The following ARHGAP26 variants were observed in gnomAD, a reference collection of about 807,000 sequenced individuals.
The protein encoded by ARHGAP26 is Rho GTPase activating protein 26.
A neutral mutation model predicts 104.8 loss-of-function variants in ARHGAP26; 38 were observed. The ratio of observed to expected loss-of-function variants is 0.36; its 90% confidence interval spans 0.28 to 0.48. ARHGAP26 has a LOEUF of 0.48. Among genes scored for constraint, ARHGAP26 ranks in the 20% least tolerant of loss-of-function variants. ARHGAP26 has a pLI of 0.99. For missense variants in ARHGAP26, 704 were observed against 947.9 expected, an observed-to-expected ratio of 0.74 and a Z score of 3.38; for synonymous variants, 341 against 340.0, an observed-to-expected ratio of 1.00 and a Z score of -0.03.
intron 17 of ARHGAP26, among the ~76,000 whole-genome samples, chr5:143,115,925 A>T (rs567739510): frequency 6.6e-6 from 1 of 152,306 alleles, no homozygotes; most frequent in East Asian, 1.9e-4. Context: ...TTATACCTCT[A>T]TAGCAGTATT....
intron 17 of ARHGAP26, among the ~76,000 whole-genome samples, chr5:143,094,147 T>G (rs1791919765): frequency 1.3e-5 from 2 of 152,254 alleles, no homozygotes; most frequent in African/African-American, 4.8e-5. Flanking sequence ...GACTAAGGAA[T>G]GCTTTACCGC....
chr5:142,973,972 T>G (rs1253059738), intron 11 of ARHGAP26, among the ~76,000 whole-genome samples: 1 of 152,218 alleles, frequency 6.6e-6, no homozygotes, highest in African/African-American at 2.4e-5. Context: ...TTGAAGATTA[T>G]TTTAGACTGG....
chr5:142,982,514 A>C (rs1422326574), intron 11 of ARHGAP26, among the ~76,000 whole-genome samples: 1 of 152,156 alleles, frequency 6.6e-6, no homozygotes, highest in African/African-American at 2.4e-5. Flanking sequence ...AACAGGAATT[A>C]TACCATTGTA....
In ARHGAP26 at chr5:143,216,176, T is replaced by C. The variant is rs1189284133; in HGVS notation, c.2191+2088T>C. 6.4e-6 allele frequency: 3 copies of C among 471,666 alleles called. No individual in the cohort carries two copies. In the Admixed American group the frequency reaches 7.0e-5, roughly 11 times the overall value. 29.2% of individuals were successfully genotyped at this position (471,666 alleles called of 1,614,324 possible). ...GATGATTGTTAACTGCCAAGTCCTT[T>C]TTTTCCCCAGCAGAGTGTCCTTCAG... On this transcript the variant is annotated intron_variant, in intron 22 of 22. Transcript: ENST00000645722.
intron 17 of ARHGAP26, among the ~76,000 whole-genome samples, chr5:143,085,083 C>G (rs931452390): frequency 2.0e-5 from 3 of 150,872 alleles, no homozygotes; most frequent in East Asian, 1.9e-4. Context: ...GCTTTCTGCA[C>G]GGGTAGAGTT....
chr5:142,854,701 A>G (rs1407319061), intron 1 of ARHGAP26, among the ~76,000 whole-genome samples: 1 of 152,236 alleles, frequency 6.6e-6, no homozygotes, highest in Non-Finnish European at 1.5e-5. Flanking sequence ...TAACTTCGTT[A>G]CTGATATGAG....
At chr5:143,056,746 C>T (rs2150282404) in intron 16 of ARHGAP26, among the ~76,000 whole-genome samples, 1 of 152,248 alleles carries the variant, frequency 6.6e-6, no homozygotes, top group African/African-American at 2.4e-5. Flanking sequence ...TGAATCTTCA[C>T]AGTATTATTA....
chr5:142,908,769 G>A (rs1761451646), intron 9 of ARHGAP26: 1 of 167,142 alleles, frequency 6.0e-6, no homozygotes, highest in Non-Finnish European at 1.5e-5. Context: ...AGCTATCTTT[G>A]GAAGAGACAG....
rs879768978 is a variant in ARHGAP26, at chr5:142,972,168, C to T, written c.1107+40043C>T. ...CTGCACTCCATCCTGGCTGACAGAG[C>T]GAGATTCCATCTAAAAAAAAAAAAA... On this transcript the variant is annotated intron_variant, in intron 11 of 22. Coordinates refer to ENST00000645722, the MANE Select transcript of ARHGAP26 (RefSeq NM_001135608.3). Among the ~76,000 whole-genome samples the T allele has an allele frequency of 8.0e-5, 11 of 136,778 alleles. No homozygotes were observed. The East Asian group carries it at 1.9e-3, about 23-fold the overall frequency. The allele number at this position is 136,778 out of a possible 152,430, so 89.7% of individuals were successfully genotyped here. A position where few individuals can be genotyped will look rare whatever the true frequency, so the allele number is the denominator to read the frequency against.
intron 1 of ARHGAP26, among the ~76,000 whole-genome samples, chr5:142,801,323 G>A (rs1016718375): frequency 4.6e-5 from 7 of 152,210 alleles, no homozygotes; most frequent in African/African-American, 1.4e-4. Context: ...TAGTCATAGC[G>A]AATAGAAATT....
chr5:142,784,689 T>C (rs1758188646), intron 1 of ARHGAP26, among the ~76,000 whole-genome samples: 1 of 152,136 alleles, frequency 6.6e-6, no homozygotes, highest in South Asian at 2.1e-4. Context: ...GCAGAGACCA[T>C]GGACGATGTT....
At chr5:143,074,997 AC>A (rs1444290878) in intron 17 of ARHGAP26, among the ~76,000 whole-genome samples, 2 of 152,128 alleles carry the variant, frequency 1.3e-5, no homozygotes, top group African/African-American at 4.8e-5. Flanking sequence ...TGCTGGGGAA[AC>A]TCAGGAGGAG....
rs553426770 is a variant in ARHGAP26, at chr5:143,083,852, C to T, written c.1538+26105C>T. Among the ~76,000 whole-genome samples, 6 of 152,338 alleles carry T rather than the reference C, an allele frequency of 3.9e-5. No individual in the cohort carries two copies. The East Asian group carries it at 1.2e-3, about 29-fold the overall frequency. On this transcript the variant is annotated intron_variant, in intron 17 of 22. Coordinates refer to ENST00000645722, the MANE Select transcript of ARHGAP26 (RefSeq NM_001135608.3). ...TATATCTTTCTCCCATCTTATATCTCAGACTTATCCCTCTAATAAGAAAAC... is the reference window on the plus strand; with the variant it reads ...TATATCTTTCTCCCATCTTATATCTTAGACTTATCCCTCTAATAAGAAAAC...
At chr5:143,127,295 G>A (rs1599135387) in intron 18 of ARHGAP26, among the ~76,000 whole-genome samples, 1 of 152,148 alleles carries the variant, frequency 6.6e-6, no homozygotes, top group East Asian at 1.9e-4. Context: ...TTGTGGCTGT[G>A]GCACTCGAAA....
Position 142,783,999 on chromosome 5 carries a change from G to A in ARHGAP26, c.154+13084G>A, listed in dbSNP as rs552478423. Among the ~76,000 whole-genome samples the A allele has an allele frequency of 7.2e-5, 11 of 152,318 alleles. No individual in the cohort carries two copies. The South Asian group carries it at 1.5e-3, about 20-fold the overall frequency. On this transcript the variant is annotated intron_variant, in intron 1 of 22. Transcript: ENST00000645722. Reference sequence around the variant, plus strand: ...GGAGGCCAGGGCAGGCACTGGAGGCGAGTGCCTCAGCATCCGTAGGCTTCG... The same window carrying A: ...GGAGGCCAGGGCAGGCACTGGAGGCAAGTGCCTCAGCATCCGTAGGCTTCG...
chr5:142,782,166 A>G (rs757064931), intron 1 of ARHGAP26, among the ~76,000 whole-genome samples: 7 of 152,164 alleles, frequency 4.6e-5, no homozygotes, highest in Non-Finnish European at 8.8e-5. Flanking sequence ...AACTGCATAC[A>G]GGAGAGGAAT....
intron 20 of ARHGAP26, among the ~76,000 whole-genome samples, chr5:143,175,144 A>G (rs1803293112): frequency 6.6e-6 from 1 of 152,224 alleles, no homozygotes; most frequent in Admixed American, 6.5e-5. Flanking sequence ...AACTGACCTA[A>G]GGGCTAACTC....
chr5:142,855,218 CAGAA>C (rs1207200732), intron 1 of ARHGAP26, among the ~76,000 whole-genome samples: 3 of 152,122 alleles, frequency 2.0e-5, no homozygotes, highest in Non-Finnish European at 4.4e-5. Context: ...ACCCCCATTA[CAGAA>C]AGAAAGGGCA....
intron 11 of ARHGAP26, among the ~76,000 whole-genome samples, chr5:142,959,566 G>A (rs778369201): frequency 2.0e-5 from 3 of 152,168 alleles, no homozygotes; most frequent in South Asian, 2.1e-4. Flanking sequence ...TGGAGGCAGC[G>A]CCATGTTCCT....
Sources: allele counts gnomAD v4.1 joint callset (sites outside exome capture counted in the v4.1 genomes callset), GRCh38; gene constraint gnomAD v4.1.1; transcripts MANE v1.5; gene names NCBI Gene and HGNC (gene_info 2026-07-23, HGNC 2026-07-21).